Variants in PGM1 observed in about 807,000 individuals in gnomAD.
PGM1 encodes the protein phosphoglucomutase-1.
A neutral mutation model predicts 55.6 loss-of-function variants in PGM1; 52 were observed. That is an observed-to-expected ratio of 0.94 (90% confidence interval 0.75 to 1.18). The LOEUF (loss-of-function observed/expected upper bound fraction) is 1.18. PGM1 is among the 50% of genes most tolerant of loss of function. The probability of loss-of-function intolerance (pLI) is 0.00; values close to 1 mark genes in which losing one functional copy is unlikely to be tolerated. For synonymous variants in PGM1, 287 were observed against 271.7 expected, an observed-to-expected ratio of 1.06 and a Z score of -0.55; for missense variants, 724 against 729.3, an observed-to-expected ratio of 0.99 and a Z score of 0.08.
intron 10 of PGM1, among the ~76,000 whole-genome samples, chr1:63,656,243 C>T (rs1649962544): frequency 6.6e-6 from 1 of 152,142 alleles, no homozygotes; most frequent in African/African-American, 2.4e-5. Flanking sequence ...CACCTCACAC[C>T]TGTTAGGATG....
At chr1:63,641,087 C>G (rs1386769776) in intron 7 of PGM1, among the ~76,000 whole-genome samples, 1 of 152,202 alleles carries the variant, frequency 6.6e-6, no homozygotes, top group Non-Finnish European at 1.5e-5. Flanking sequence ...CAAGGGAAGT[C>G]TCTCATGTTA....
intron 7 of PGM1, among the ~76,000 whole-genome samples, chr1:63,642,255 A>G (rs1429416405): frequency 1.3e-5 from 2 of 152,244 alleles, no homozygotes; most frequent in Non-Finnish European, 2.9e-5. Context: ...TATTACTAAC[A>G]TTATACATTA....
chr1:63,605,474 A>G (rs1218944569), intron 1 of PGM1, among the ~76,000 whole-genome samples: 1 of 152,188 alleles, frequency 6.6e-6, no homozygotes, highest in Non-Finnish European at 1.5e-5. Context: ...ACAGGTGGAA[A>G]AGATAGGCTA....
rs2100998584 is a variant in PGM1, at chr1:63,648,687, T to A, written c.1280+35T>A. 3.1e-6 allele frequency: 5 copies of A among 1,611,012 alleles called. No individual in the cohort carries two copies. The South Asian group carries it at 5.5e-5, about 18-fold the overall frequency. On this transcript the variant is annotated intron_variant, in intron 8 of 10. Transcript: ENST00000371084. ...AGCCCAGCTGGGGTACAAGGTAAGG[T>A]GGGGAAGTGGGCAGAGAGAATTCTT...
intron 5 of PGM1, among the ~76,000 whole-genome samples, 186 bp from the exon 6 acceptor site, chr1:63,636,048 G>T (rs570386549): frequency 4.1e-4 from 62 of 152,304 alleles, no homozygotes; most frequent in African/African-American, 1.4e-3. Flanking sequence ...TGGCATGGAG[G>T]TGCCTTCGGC....
chr1:63,645,748 T>C (rs1649629841), intron 7 of PGM1, among the ~76,000 whole-genome samples: 1 of 152,206 alleles, frequency 6.6e-6, no homozygotes, highest in African/African-American at 2.4e-5. Flanking sequence ...GAAAAGTCTT[T>C]TGAAAGAAAA....
intron 1 of PGM1, among the ~76,000 whole-genome samples, chr1:63,609,030 G>A (rs1266485452): frequency 6.6e-6 from 1 of 152,226 alleles, no homozygotes; most frequent in Non-Finnish European, 1.5e-5. Context: ...GGAAGGCAGA[G>A]GGAGGGGATA....
intron 1 of PGM1, among the ~76,000 whole-genome samples, chr1:63,618,130 T>C (rs1648788739): frequency 6.6e-6 from 1 of 152,222 alleles, no homozygotes; most frequent in Non-Finnish European, 1.5e-5. Flanking sequence ...CTGCTATCAT[T>C]ATCTCCATCT....
chr1:63,632,386 T>G (rs1224691820), intron 4 of PGM1, among the ~76,000 whole-genome samples: 1 of 152,194 alleles, frequency 6.6e-6, no homozygotes, highest in Non-Finnish European at 1.5e-5. Flanking sequence ...CACATACATC[T>G]GCCTGGTTGG....
intron 1 of PGM1, among the ~76,000 whole-genome samples, chr1:63,615,550 CTTTTTTTT>C (rs1161161385): frequency 7.0e-4 from 44 of 62,980 alleles, no homozygotes; most frequent in East Asian, 2.5e-3. Flanking sequence ...TCTTCTTCTT[CTTTTTTTT>C]TTTTTTTTTT....
At chr1:63,647,875 A>G (rs532301561) in intron 7 of PGM1, among the ~76,000 whole-genome samples, 1 of 152,316 alleles carries the variant, frequency 6.6e-6, no homozygotes, top group South Asian at 2.1e-4. Flanking sequence ...TTCTCTTCAC[A>G]TTAATACTTT....
chr1:63,611,105 T>C (rs996620058), intron 1 of PGM1, among the ~76,000 whole-genome samples: 3 of 152,144 alleles, frequency 2.0e-5, no homozygotes. Context: ...GGGCATGCAG[T>C]AGTGCATAAA....
intron 7 of PGM1, among the ~76,000 whole-genome samples, chr1:63,647,327 A>T (rs1649684616): frequency 8.2e-6 from 1 of 122,510 alleles, no homozygotes; most frequent in African/African-American, 3.0e-5. Context: ...CATCTACCTT[A>T]AGTGCTATCC....
Position 63,659,656 on chromosome 1 carries a change from C to T in PGM1, c.1670C>T (p.Ala557Val). ...CTGCAGGAGAGGACGGGACGCACTGCACCCACTGTCATCACCTAAGAAGAC... is the reference window on the plus strand; with the variant it reads ...CTGCAGGAGAGGACGGGACGCACTGTACCCACTGTCATCACCTAAGAAGAC... ...SQLQERTGRTAPTVIT is the reference protein window; with the variant it reads ...SQLQERTGRTVPTVIT The change falls in exon 11 of 11, where the codon GCA (alanine) becomes GTA (valine). Residue 557 changes from alanine (A) to valine (V), a missense_variant. Around this residue, in one of 3 missense-constraint regions of PGM1, gnomAD observed 316 missense variants for 313.1 expected, o/e 1.01. Coordinates refer to ENST00000371084, the MANE Select transcript of PGM1 (RefSeq NM_002633.3). The T allele has an allele frequency of 6.2e-7, 1 of 1,613,654 alleles. No homozygotes were observed. The highest frequency in any genetic ancestry group is 8.5e-7 in the Non-Finnish European group (1 of 1,179,600).
rs1557431317 is a variant in PGM1 at position 63,629,880 on chromosome 1, G to T, written c.410-62G>T. ...AGTGAAGAGGAACTGATGAGCTTTG[G>T]ATTCTTTGTATTTCCATGTGAGCTG... On this transcript the variant is annotated intron_variant, in intron 2 of 10. Coordinates refer to ENST00000371084, the MANE Select transcript of PGM1 (RefSeq NM_002633.3). 10 of 1,588,314 alleles carry T rather than the reference G, an allele frequency of 6.3e-6. No homozygotes were observed. In the Admixed American group the frequency reaches 8.3e-5, roughly 13 times the overall value.
chr1:63,624,578 G>A (rs1339768650), intron 1 of PGM1, among the ~76,000 whole-genome samples: 4 of 152,186 alleles, frequency 2.6e-5, no homozygotes, highest in Admixed American at 2.6e-4. Context: ...AAATTCCTCA[G>A]TGGGACCAGA....
chr1:63,623,188 T>C, intron 1 of PGM1: 1 of 1,254,138 alleles, frequency 8.0e-7, no homozygotes, highest in Non-Finnish European at 1.0e-6. Flanking sequence ...GTATTTGGCT[T>C]GGTTAAGTGG....
At chr1:63,628,181 G>A (rs932621146) in intron 1 of PGM1, among the ~76,000 whole-genome samples, 17 of 152,150 alleles carry the variant, frequency 1.1e-4, no homozygotes, top group African/African-American at 3.6e-4. Flanking sequence ...ACAATCATCG[G>A]TTTTGATTTC....
chr1:63,594,362 C>T (rs1011795384), intron 1 of PGM1, among the ~76,000 whole-genome samples: 1 of 152,160 alleles, frequency 6.6e-6, no homozygotes, highest in African/African-American at 2.4e-5. Context: ...TTCCGAACTC[C>T]TGCCCTTTGC....
Sources: gnomAD v4.1 joint callset for allele counts (sites outside exome capture counted in the v4.1 genomes callset) on GRCh38, gnomAD v4.1.1 for gene constraint, gnomAD v4.1.1 regional missense constraint, MANE v1.5 for transcripts, NCBI Gene and HGNC (gene_info 2026-07-23, HGNC 2026-07-21) for gene names.